The following AKT3 variants were observed in gnomAD, a reference collection of about 807,000 sequenced individuals.
The protein encoded by AKT3 is RAC-gamma serine/threonine-protein kinase.
A neutral mutation model predicts 65.3 loss-of-function variants in AKT3; 15 were observed. That is an observed-to-expected ratio of 0.23 (90% CI 0.15 to 0.35). The LOEUF is 0.35. Among genes scored for constraint, AKT3 ranks in the 10% least tolerant of loss-of-function variants. The pLI, the probability that AKT3 is intolerant of heterozygous loss-of-function variation, is 1.00. For synonymous variants in AKT3, 206 were observed against 183.8 expected (o/e 1.12, Z -0.98); for missense variants, 243 against 576.5 (o/e 0.42, Z 5.92).
intron 12 of AKT3, among the ~76,000 whole-genome samples, chr1:243,526,205 G>A (rs1671065051): frequency 6.6e-6 from 1 of 152,152 alleles, no homozygotes; most frequent in South Asian, 2.1e-4. Context: ...GCCAGGAGAG[G>A]AAAGATGAAA....
At chr1:243,556,552 A>C in intron 10 of AKT3, among the ~76,000 whole-genome samples, 1 of 152,142 alleles carries the variant, frequency 6.6e-6, no homozygotes, top group East Asian at 1.9e-4. Flanking sequence ...CTTACTGCTC[A>C]ATCAATAATC....
intron 3 of AKT3, among the ~76,000 whole-genome samples, chr1:243,674,916 C>A (rs1379354171): frequency 6.6e-6 from 1 of 152,158 alleles, no homozygotes; most frequent in Admixed American, 6.5e-5. Flanking sequence ...TTCTAGTGAA[C>A]TCATCACCCA....
At chr1:243,656,922 C>T (rs1572114048) in intron 4 of AKT3, among the ~76,000 whole-genome samples, 1 of 151,776 alleles carries the variant, frequency 6.6e-6, no homozygotes, top group South Asian at 2.1e-4. Context: ...GTGGTGTATC[C>T]AATAAATTAA....
In AKT3 at chr1:243,735,708, T is replaced by C. The variant is rs1412988102; in HGVS notation, c.47-39992A>G. The C allele has an allele frequency of 2.0e-5, 3 of 152,144 alleles. No individual in the cohort carries two copies. The East Asian group carries it at 5.8e-4, about 29-fold the overall frequency. The allele number at this position is 152,144 out of a possible 1,614,324, so 9.4% of individuals were successfully genotyped here. ...TGTCCAACTATTTCCATCTTTTTAT[T>C]AGATAGCTGCAAAAGTGGGTGCATG... On this transcript the variant is annotated intron_variant, in intron 2 of 13. Transcript: ENST00000673466.
At chr1:243,850,914 C>A (rs1200395750), upstream of AKT3, 1 of 152,132 alleles carries the variant, frequency 6.6e-6, no homozygotes, top group African/African-American at 2.4e-5. Context: ...GGAGCGGAGG[C>A]TCCTCGCCCA....
intron 2 of AKT3, among the ~76,000 whole-genome samples, chr1:243,784,919 C>T (rs1163699586): frequency 6.6e-6 from 1 of 152,126 alleles, no homozygotes; most frequent in Non-Finnish European, 1.5e-5. Flanking sequence ...CACCACCACG[C>T]CTAGCTATTT....
At chr1:243,492,498 T>A (rs1050714068) in intron 13 of AKT3, among the ~76,000 whole-genome samples, 1 of 151,540 alleles carries the variant, frequency 6.6e-6, no homozygotes, top group African/African-American at 2.4e-5. Flanking sequence ...GAAACGGGGT[T>A]TCGCCATGTT....
chr1:243,747,873 A>G (rs979196176), intron 2 of AKT3, among the ~76,000 whole-genome samples: 1 of 152,232 alleles, frequency 6.6e-6, no homozygotes, highest in African/African-American at 2.4e-5. Flanking sequence ...AATAACAAGG[A>G]TCGGTAAGAG....
chr1:243,639,948 A>G (rs559289089), intron 5 of AKT3, among the ~76,000 whole-genome samples: 72 of 152,308 alleles, frequency 4.7e-4, no homozygotes, highest in Non-Finnish European at 8.4e-4. Context: ...TGAGAGGAAA[A>G]CAATGCAAGA....
At chr1:243,818,610 A>G (rs1055236120) in intron 2 of AKT3, among the ~76,000 whole-genome samples, 1 of 152,218 alleles carries the variant, frequency 6.6e-6, no homozygotes, top group African/African-American at 2.4e-5. Context: ...AACTTAACAT[A>G]AAGTTTACCC....
intron 8 of AKT3, among the ~76,000 whole-genome samples, chr1:243,577,680 A>G (rs1212540461): frequency 1.3e-5 from 2 of 152,208 alleles, no homozygotes; most frequent in African/African-American, 4.8e-5. Flanking sequence ...AACAAAAGCA[A>G]TAATTGACAA....
At chr1:243,759,560 A>T (rs1401827218) in intron 2 of AKT3, among the ~76,000 whole-genome samples, 1 of 151,976 alleles carries the variant, frequency 6.6e-6, no homozygotes, top group East Asian at 1.9e-4. Context: ...GAAAAAAAAA[A>T]TAAAAATTCA....
At chr1:243,663,715 T>C (rs1448422356) in intron 4 of AKT3, among the ~76,000 whole-genome samples, 1 of 152,212 alleles carries the variant, frequency 6.6e-6, no homozygotes, top group African/African-American at 2.4e-5. Flanking sequence ...GACAAGACTG[T>C]TAAAACTTTG....
intron 8 of AKT3, among the ~76,000 whole-genome samples, chr1:243,585,063 A>G (rs1293586125): frequency 6.6e-6 from 1 of 152,194 alleles, no homozygotes; most frequent in Admixed American, 6.5e-5. Context: ...TTCAGGAGAG[A>G]AAATCAATGT....
intron 2 of AKT3, among the ~76,000 whole-genome samples, chr1:243,751,633 A>G (rs1267374648): frequency 2.0e-5 from 3 of 152,164 alleles, no homozygotes; most frequent in African/African-American, 7.2e-5. Flanking sequence ...TTGATCTGGA[A>G]GATACACAGG....
At chr1:243,571,648 G>C (rs1274482461) in intron 9 of AKT3, among the ~76,000 whole-genome samples, 1 of 152,204 alleles carries the variant, frequency 6.6e-6, no homozygotes, top group Non-Finnish European at 1.5e-5. Context: ...TATTTGGAAA[G>C]TTAACACATT....
chr1:243,555,871 G>A (rs1673372880), intron 10 of AKT3, among the ~76,000 whole-genome samples: 1 of 152,096 alleles, frequency 6.6e-6, no homozygotes, highest in Admixed American at 6.6e-5. Context: ...TTACTGACTT[G>A]TAAATGAAAC....
intron 12 of AKT3, among the ~76,000 whole-genome samples, chr1:243,513,227 C>T (rs1022845842): frequency 2.0e-5 from 3 of 152,160 alleles, no homozygotes; most frequent in African/African-American, 2.4e-5. Flanking sequence ...GGAGCTAACA[C>T]GAGGCTCCTG....
At chr1:243,626,547 G>A (rs995332502) in intron 6 of AKT3, among the ~76,000 whole-genome samples, 2 of 152,190 alleles carry the variant, frequency 1.3e-5, no homozygotes, top group Non-Finnish European at 2.9e-5. Context: ...TAATCAGGAT[G>A]AGGACTGACA....
Sources: gnomAD v4.1 joint callset for allele counts (sites outside exome capture counted in the v4.1 genomes callset) on GRCh38, gnomAD v4.1.1 for gene constraint, MANE v1.5 for transcripts, NCBI Gene and HGNC (gene_info 2026-07-23, HGNC 2026-07-21) for gene names.